Variants in ZNF37A observed in about 807,000 individuals in gnomAD.
ZNF37A encodes the protein zinc finger protein 37A, also known as zinc finger protein 37a (KOX 21).
A neutral mutation model predicts 12.3 loss-of-function variants in ZNF37A; 10 were observed. That is an observed-to-expected ratio of 0.82 (90% confidence interval 0.50 to 1.38). The LOEUF (loss-of-function observed/expected upper bound fraction) is 1.38, where lower values mean the gene tolerates loss of function less well. Among genes scored for constraint, ZNF37A ranks in the 40% most tolerant of loss-of-function variants. The pLI is 0.00. For missense variants in ZNF37A, 580 were observed against 651.2 expected (o/e 0.89, Z 1.19); for synonymous variants, 207 against 223.0 (o/e 0.93, Z 0.64).
chr10:38,098,580 C>T (rs1199773183), intron 5 of ZNF37A, among the ~76,000 whole-genome samples: 1 of 151,832 alleles, frequency 6.6e-6, no homozygotes, highest in Non-Finnish European at 1.5e-5. Context: ...ATTTTTTTCC[C>T]CTAGGTCTTC....
chr10:38,096,524 G>A (rs563816677), intron 4 of ZNF37A, 50 bp from the exon 5 acceptor site: 1 of 1,366,214 alleles, frequency 7.3e-7, no homozygotes, highest in East Asian at 2.3e-5. Flanking sequence ...GCTGCGAAGT[G>A]GACCTTTTAA....
At chr10:38,109,785 G>A (rs2474580) in intron 5 of ZNF37A, among the ~76,000 whole-genome samples, 62,581 of 151,954 alleles carry the variant, frequency 0.41, 13,076 homozygotes, top group East Asian at 0.5. Context: ...CAAGTTACAC[G>A]GGATGCGAAG....
At chr10:38,110,993 A>G (rs1324238198) in intron 5 of ZNF37A, among the ~76,000 whole-genome samples, 2 of 152,212 alleles carry the variant, frequency 1.3e-5, no homozygotes, top group Non-Finnish European at 2.9e-5. Flanking sequence ...TATATACCCA[A>G]AGGATTATAA....
Position 38,119,059 on chromosome 10 carries a change from T to C in ZNF37A, c.*222T>C, listed in dbSNP as rs2136041467. The C allele has an allele frequency of 8.1e-7, 1 of 1,232,412 alleles. No homozygotes were observed. Among genetic ancestry groups the C allele is most frequent in the South Asian group, 3.1e-5 (1 of 32,652 alleles). 76.3% of individuals were successfully genotyped at this position (1,232,412 alleles called of 1,614,324 possible). On this transcript the variant is annotated 3_prime_UTR_variant, in exon 8 of 8. Transcript: ENST00000685332. ...AAAGTGGAAAAAACTTATTGGTGAA[T>C]GAATATAGGAAACATTTTGCCCAAT...
rs1564931704 is a variant in ZNF37A, at chr10:38,112,734, TCTTTTC to T, written c.16-2020_16-2015del. On this transcript the variant is annotated intron_variant, in intron 5 of 7. Transcript: ENST00000685332. ...ACAATTCTGTATTTTACATCCATTTTCTTTTCTTTTCTTTTCTTTTCTTTTCTTTTC... is the reference window on the plus strand; with the variant it reads ...ACAATTCTGTATTTTACATCCATTTTTTTTCTTTTCTTTTCTTTTCTTTTC... Among the ~76,000 whole-genome samples, 190 of 49,876 alleles carry T rather than the reference TCTTTTC, an allele frequency of 3.8e-3. 31 individuals are homozygous for T. The highest frequency in any genetic ancestry group is 0.015 in the Middle Eastern group (2 of 136). The allele number at this position is 49,876 out of a possible 152,430, so 32.7% of individuals were successfully genotyped here.
At position 38,098,778 on chromosome 10, in the gene ZNF37A, G is replaced by A. The variant is rs537738397; in HGVS notation, c.15+2146G>A. ...TAGTCTGTGGGTACTTTCACACTAC[G>A]AGGGCAGAATTGACTGGTTGCAGTA... On this transcript the variant is annotated intron_variant, in intron 5 of 7. Coordinates refer to ENST00000685332, the MANE Select transcript of ZNF37A (RefSeq NM_001324250.3). Among the ~76,000 whole-genome samples, 25 of 152,280 alleles carry A rather than the reference G, an allele frequency of 1.6e-4. No homozygotes were observed. In the South Asian group the frequency reaches 4.6e-3, roughly 28 times the overall value.
At chr10:38,146,968 T>C (rs757056271) in exon 8 of ZNF37A, 4 of 384,280 alleles carry the variant, frequency 1.0e-5, no homozygotes, top group Admixed American at 4.5e-5. Context: ...CTATAGGTTA[T>C]AGATTAGCTA....
chr10:38,107,348 G>A (rs2068196240), intron 5 of ZNF37A, among the ~76,000 whole-genome samples: 1 of 152,154 alleles, frequency 6.6e-6, no homozygotes. Flanking sequence ...AAGAGTTCCT[G>A]AAGGAAGCAC....
At chr10:38,097,961 A>G (rs1304517791) in intron 5 of ZNF37A, among the ~76,000 whole-genome samples, 6 of 152,192 alleles carry the variant, frequency 3.9e-5, no homozygotes, top group Non-Finnish European at 8.8e-5. Context: ...TAACTTAATA[A>G]GCAGTTGCTC....
chr10:38,128,395 C>G (rs2069959602), downstream of ZNF37A, among the ~76,000 whole-genome samples: 1 of 152,036 alleles, frequency 6.6e-6, no homozygotes, highest in African/African-American at 2.4e-5. Context: ...ATAATCATGG[C>G]AGAGATGTAT....
At chr10:38,139,517 G>T (rs2070153663) in intron 7 of ZNF37A, 1 of 152,196 alleles carries the variant, frequency 6.6e-6, no homozygotes, top group South Asian at 2.1e-4. Context: ...ACAGGAACGT[G>T]CCACCATGCC....
In ZNF37A at chr10:38,114,794, C is replaced by T; in HGVS notation, c.55C>T (p.Gln19Ter). Residue 19 changes from glutamine to a stop codon, truncating the protein, a stop_gained, in exon 6 of 8, where the codon CAA (glutamine) becomes TAA (stop). Transcript: ENST00000685332. LOFTEE classifies it high-confidence loss of function. The stretch of plus-strand genomic sequence containing the variant: ...TAGGGATGTGACTGTGGGCTTCACT[C>T]AAGAGGAGTGGCAGCATCTGGACCC... ...SFRDVTVGFT[Q>*]EEWQHLDPAQ... The T allele has an allele frequency of 6.2e-7, 1 of 1,613,926 alleles. No individual in the cohort carries two copies. Among genetic ancestry groups the T allele is most frequent in the Non-Finnish European group, 8.5e-7 (1 of 1,179,988 alleles).
intron 7 of ZNF37A, among the ~76,000 whole-genome samples, chr10:38,135,073 A>G (rs1486156395): frequency 6.6e-6 from 1 of 152,210 alleles, no homozygotes; most frequent in African/African-American, 2.4e-5. Flanking sequence ...TTGAATGGAT[A>G]CCACTTAAAT....
intron 5 of ZNF37A, among the ~76,000 whole-genome samples, chr10:38,096,946 C>T (rs952739858): frequency 3.3e-5 from 5 of 152,194 alleles, no homozygotes; most frequent in Admixed American, 2.0e-4. Context: ...TACTTTCATA[C>T]TATGAGGGCA....
chr10:38,107,636 G>C (rs75259235), intron 5 of ZNF37A, among the ~76,000 whole-genome samples: 1 of 152,134 alleles, frequency 6.6e-6, no homozygotes, highest in Non-Finnish European at 1.5e-5. Flanking sequence ...ACACACATAG[G>C]CTCAAAATAA....
At chr10:38,129,316 A>AAAAAAACAAAAAC (rs2069980543), downstream of ZNF37A, among the ~76,000 whole-genome samples, 1 of 142,430 alleles carries the variant, frequency 7.0e-6, no homozygotes, top group Admixed American at 7.0e-5. Flanking sequence ...AAAAAAAAAA[A>AAAAAAACAAAAAC]AAAAAACTAT....
chr10:38,117,404 A>G lies in ZNF37A; in HGVS notation c.253A>G (p.Ser85Gly). 1.7e-5 allele frequency: 26 copies of G among 1,568,734 alleles called. No individual in the cohort carries two copies. Among genetic ancestry groups the G allele is most frequent in the Non-Finnish European group, 2.2e-5 (26 of 1,163,850 alleles). The part of the protein sequence containing the change: ...SQSHLELINT[S>G]RNYSIMKFNE... ...CTGTATTTCAGAATTAATTAATACC[A>G]GTAGAAACTATTCAATAATGAAGTT... is the stretch of plus-strand genomic sequence containing the variant. Residue 85 changes from serine (S) to glycine (G), a missense_variant, in exon 8 of 8, where the codon AGT becomes GGT. By Grantham distance (56) the Ser-to-Gly change is moderately conservative. Transcript: ENST00000685332.
Position 38,121,944 on chromosome 10 carries a change from A to C in ZNF37A, c.*3107A>C, listed in dbSNP as rs1340070678. The C allele has an allele frequency of 6.6e-6, 1 of 152,170 alleles. No individual in the cohort carries two copies. Among genetic ancestry groups the C allele is most frequent in the African/African-American group, 2.4e-5 (1 of 41,422 alleles). 9.4% of individuals were successfully genotyped at this position (152,170 alleles called of 1,614,324 possible). ...GAATCATCTCATGTACCTGACAGTA[A>C]GAAAATACTCTGGCTGGTCTCAGTG... On this transcript the variant is annotated 3_prime_UTR_variant, in exon 8 of 8. Transcript: ENST00000685332.
downstream of ZNF37A, among the ~76,000 whole-genome samples, chr10:38,128,618 TTTC>T (rs1311817923): frequency 6.6e-6 from 1 of 152,204 alleles, no homozygotes; most frequent in Non-Finnish European, 1.5e-5. Flanking sequence ...CCAATCATGT[TTTC>T]TTCTTTCTAA....
Sources: gnomAD v4.1 joint callset for allele counts (sites outside exome capture counted in the v4.1 genomes callset) on GRCh38, gnomAD v4.1.1 for gene constraint, MANE v1.5 for transcripts, NCBI Gene and HGNC (gene_info 2026-07-23, HGNC 2026-07-21) for gene names.